Variants in USP30 observed in about 807,000 individuals in gnomAD.
USP30 encodes the protein ubiquitin carboxyl-terminal hydrolase 30.
USP30 carries 41 observed loss-of-function variants against 68.2 expected under a neutral mutation model. That is an observed-to-expected ratio of 0.60 (90% CI 0.47 to 0.78). The LOEUF is 0.78. USP30 is among the 30% of genes least tolerant of loss of function. The pLI is 0.00. For missense variants in USP30, 522 were observed against 649.4 expected (o/e 0.80, Z 2.13); for synonymous variants, 229 against 253.7 (o/e 0.90, Z 0.93).
chr12:109,058,618 G>T (rs1593247989), intron 3 of USP30, among the ~76,000 whole-genome samples: 1 of 150,458 alleles, frequency 6.6e-6, no homozygotes, highest in Non-Finnish European at 1.5e-5. Context: ...TTTTTAAATT[G>T]TCAAGTTAAT....
intron 11 of USP30, among the ~76,000 whole-genome samples, chr12:109,083,903 A>G (rs940011707): frequency 6.6e-6 from 1 of 152,056 alleles, no homozygotes; most frequent in Non-Finnish European, 1.5e-5. Flanking sequence ...CCTCTTTCTC[A>G]TCAAGTCACT....
intron 1 of USP30, among the ~76,000 whole-genome samples, chr12:109,024,113 C>T (rs2040427160): frequency 6.6e-6 from 1 of 152,142 alleles, no homozygotes; most frequent in African/African-American, 2.4e-5. Flanking sequence ...TCCGTGCTTG[C>T]ATTTCCTCAT....
chr12:109,044,075 C>A (rs988610488), intron 3 of USP30, among the ~76,000 whole-genome samples: 2 of 152,114 alleles, frequency 1.3e-5, no homozygotes, highest in Non-Finnish European at 2.9e-5. Flanking sequence ...CATAAATGAA[C>A]CTTGAGGACA....
At chr12:109,029,702 A>G (rs1176186111) in intron 3 of USP30, among the ~76,000 whole-genome samples, 1 of 152,178 alleles carries the variant, frequency 6.6e-6, no homozygotes, top group Non-Finnish European at 1.5e-5. Context: ...CTTGAAATGC[A>G]TGAGGTTAGA....
At chr12:109,060,558 C>T (rs927283870) in intron 3 of USP30, among the ~76,000 whole-genome samples, 9 of 152,130 alleles carry the variant, frequency 5.9e-5, no homozygotes, top group East Asian at 1.9e-4. Context: ...ATGTGCAACT[C>T]GCTGCCAGCG....
At chr12:109,080,254 C>T (rs183371466) in intron 7 of USP30, among the ~76,000 whole-genome samples, 64 of 152,288 alleles carry the variant, frequency 4.2e-4, no homozygotes, top group African/African-American at 1.2e-3. Flanking sequence ...TGAACTCTGT[C>T]GTCTGACCAC....
intron 7 of USP30, 39 bp downstream of exon 7, chr12:109,073,571 T>A: frequency 6.4e-7 from 1 of 1,574,296 alleles, no homozygotes; most frequent in Non-Finnish European, 8.7e-7. Flanking sequence ...CCGGGAGAGG[T>A]TTTCCAAAAG....
chr12:109,051,517 C>T (rs1170389404), upstream of USP30, among the ~76,000 whole-genome samples: 1 of 131,058 alleles, frequency 7.6e-6, no homozygotes, highest in Non-Finnish European at 1.6e-5. Flanking sequence ...CCCACCCCCA[C>T]CCCCCGGCCT....
Position 109,071,697 on chromosome 12 carries a change from T to G in USP30, c.566T>G (p.Val189Gly), listed in dbSNP as rs1016538654. ...CCTCGGGTCACACATTTGTTTGATG[T>G]GCATTCCCTGGAGGTAAACCATTAA... is the stretch of plus-strand genomic sequence containing the variant. ...RQPRVTHLFD[V>G]HSLEQQSEIT... Residue 189 changes from valine (V) to glycine (G), a missense_variant, in exon 5 of 13, where the codon GTG becomes GGG. Transcript: ENST00000257548. The G allele has an allele frequency of 6.2e-7, 1 of 1,614,008 alleles. No individual in the cohort carries two copies. The highest frequency in any genetic ancestry group is 8.5e-7 in the Non-Finnish European group (1 of 1,179,958).
At chr12:109,047,209 T>C (rs1474808703) in intron 3 of USP30, among the ~76,000 whole-genome samples, 2 of 152,002 alleles carry the variant, frequency 1.3e-5, no homozygotes, top group African/African-American at 4.8e-5. Flanking sequence ...TTATGTTCAT[T>C]CAACATTTAT....
chr12:109,078,285 C>T (rs7978342), intron 7 of USP30, among the ~76,000 whole-genome samples: 77,617 of 151,986 alleles, frequency 0.51, 22,001 homozygotes, highest in East Asian at 0.82. Context: ...TTAGCTGGGC[C>T]TGGTGGCGGG....
chr12:109,060,798 G>C (rs189803889), intron 3 of USP30, among the ~76,000 whole-genome samples: 7 of 152,154 alleles, frequency 4.6e-5, no homozygotes, highest in Non-Finnish European at 8.8e-5. Context: ...GGGATTACAG[G>C]CATGCCCCAC....
At chr12:109,027,734 A>C (rs1005947331) in intron 3 of USP30, among the ~76,000 whole-genome samples, 1 of 152,222 alleles carries the variant, frequency 6.6e-6, no homozygotes, top group Non-Finnish European at 1.5e-5. Context: ...TCATTCTTTT[A>C]TATGACTGAA....
chr12:109,026,606 C>A lies in USP30; in HGVS notation c.-227-859C>A, dbSNP rs1045038286. On this transcript the variant is annotated intron_variant, in intron 2 of 15. Coordinates refer to the USP30 transcript ENST00000392784. ...TCCTGAGTAGCTTCCTGTAGTAGAC[C>A]GTAGGTGCGCACCACCATGCCCACC... Among the ~76,000 whole-genome samples the A allele has an allele frequency of 8.6e-5, 13 of 151,332 alleles. No homozygotes were observed. In the East Asian group the frequency reaches 2.2e-3, roughly 25 times the overall value.
In USP30 at chr12:109,070,869, G is replaced by A. The variant is rs2041417205; in HGVS notation, c.481-743G>A. Among the ~76,000 whole-genome samples, 1 of 152,220 alleles carries A rather than the reference G, an allele frequency of 6.6e-6. No individual in the cohort carries two copies. Among genetic ancestry groups the A allele is most frequent in the Non-Finnish European group, 1.5e-5 (1 of 68,044 alleles). ...ATAGCAGCATGTTCGCAATAGCCAA[G>A]GGGTAGAAGCAACCCAAGTGTTCAT... is the stretch of plus-strand genomic sequence containing the variant. On this transcript the variant is annotated intron_variant, in intron 4 of 12. Coordinates refer to ENST00000257548, the MANE Select transcript of USP30 (RefSeq NM_032663.5). This position sits in a 1 kb window ranked among gnomAD's most constrained non-coding sequence, Gnocchi z 4.0.
At chr12:109,066,775 A>G (rs1190557349) in intron 3 of USP30, among the ~76,000 whole-genome samples, 1 of 152,080 alleles carries the variant, frequency 6.6e-6, no homozygotes, top group African/African-American at 2.4e-5. Context: ...ACTCAAATAC[A>G]AACAAATACA....
intron 3 of USP30, among the ~76,000 whole-genome samples, chr12:109,064,966 G>C (rs1330620598): frequency 6.6e-6 from 1 of 152,084 alleles, no homozygotes; most frequent in Non-Finnish European, 1.5e-5. Context: ...GGAGGGAAAG[G>C]GCTAGCCCCA....
intron 9 of USP30, 48 bp from the exon 10 acceptor site, chr12:109,082,615 C>G: frequency 6.3e-7 from 1 of 1,586,250 alleles, no homozygotes; most frequent in Non-Finnish European, 8.6e-7. Flanking sequence ...CACTCCAAAG[C>G]TGTCCTATTT....
chr12:109,059,966 CAG>C (rs1566088784), intron 3 of USP30: 5 of 152,318 alleles, frequency 3.3e-5, no homozygotes, highest in Admixed American at 2.6e-4. Flanking sequence ...AGATATCAAA[CAG>C]AATCATTAAG....
Sources: allele counts gnomAD v4.1 joint callset (sites outside exome capture counted in the v4.1 genomes callset), GRCh38; gene constraint gnomAD v4.1.1; non-coding constraint Gnocchi (gnomAD v3.1); transcripts MANE v1.5; gene names NCBI Gene and HGNC (gene_info 2026-07-23, HGNC 2026-07-21).